The following LIFR variants were observed in gnomAD, a reference collection of about 807,000 sequenced individuals.
LIFR encodes the protein leukemia inhibitory factor receptor.
In LIFR, 84 loss-of-function variants were observed where a neutral mutation model predicts 122.2. The observed-to-expected ratio is 0.69, with a 90% CI of 0.58 to 0.82. The LOEUF is 0.82. Among genes scored for constraint, LIFR ranks in the 40% least tolerant of loss-of-function variants. The pLI is 0.00. For synonymous variants in LIFR, 422 were observed against 434.7 expected (o/e 0.97, Z 0.36); for missense variants, 1,294 against 1,311.6 (o/e 0.99, Z 0.21).
Position 38,482,083 on chromosome 5 carries a change from G to A in LIFR, c.2806C>T (p.Arg936Cys), listed in dbSNP as rs746053471. The A allele has an allele frequency of 6.2e-6, 10 of 1,600,660 alleles. No individual in the cohort carries two copies. Among genetic ancestry groups the A allele is most frequent in the South Asian group, 4.5e-5 (4 of 88,504 alleles). The change falls in exon 20 of 20, where the codon CGC (arginine) becomes TGC (cysteine). Residue 936 changes from arginine (R) to cysteine (C), a missense_variant. Coordinates refer to ENST00000453190, the MANE Select transcript of LIFR (RefSeq NM_001127671.2). ...ISPVAERPEDRSDAEPENHVV... is the reference protein window; with the variant it reads ...ISPVAERPEDCSDAEPENHVV... ...TGGTTTTCAGGCTCTGCATCAGAGCGATCTTCAGGACGCTCAGCTACTGGG... is the reference window on the plus strand; with the variant it reads ...TGGTTTTCAGGCTCTGCATCAGAGCAATCTTCAGGACGCTCAGCTACTGGG...
chr5:38,506,086 C>A lies in LIFR; in HGVS notation c.1122-12G>T. On this transcript the variant is annotated splice_polypyrimidine_tract_variant and intron_variant, in intron 8 of 19. Coordinates refer to ENST00000453190, the MANE Select transcript of LIFR (RefSeq NM_001127671.2). ...ATTTTCCTGAAAAACTGTTAATTAA[C>A]AGAAAAATAATTTCAAAATGGCAAG... 1 of 1,553,116 alleles carries A rather than the reference C, an allele frequency of 6.4e-7. No individual in the cohort carries two copies. Among genetic ancestry groups the A allele is most frequent in the South Asian group, 1.2e-5 (1 of 86,550 alleles).
chr5:38,605,834 C>T (rs1328083429), intron 2 of LIFR, among the ~76,000 whole-genome samples: 1 of 152,172 alleles, frequency 6.6e-6, no homozygotes, highest in East Asian at 1.9e-4. Context: ...GAATCCCTCT[C>T]CTCGCTTGGA....
At position 38,477,949 on chromosome 5, in the gene LIFR, G is replaced by C; in HGVS notation, c.*3646C>G. 1 of 207,710 alleles carries C rather than the reference G, an allele frequency of 4.8e-6. No homozygotes were observed. The highest frequency in any genetic ancestry group is 9.5e-6 in the Non-Finnish European group (1 of 104,970). The allele number at this position is 207,710 out of a possible 1,614,324, so 12.9% of individuals were successfully genotyped here. A position where few individuals can be genotyped will look rare whatever the true frequency, so the allele number is the denominator to read the frequency against. ...AGAGAATAGCAAAAATAACCTTAGA[G>C]CAAACAAAAAATTTTATTAGATTAT... On this transcript the variant is annotated 3_prime_UTR_variant, in exon 20 of 20. Coordinates refer to ENST00000453190, the MANE Select transcript of LIFR (RefSeq NM_001127671.2).
chr5:38,504,415 C>CAA lies in LIFR; in HGVS notation c.1292-296_1292-295dup, dbSNP rs71604899. ...ACTTCTAATTTACTTAGGGAATGACCAAAAAAAAAAAAGAAAAGAAAAAAG... is the reference window on the plus strand; with the variant it reads ...ACTTCTAATTTACTTAGGGAATGACCAAAAAAAAAAAAAAGAAAAGAAAAAAG... On this transcript the variant is annotated intron_variant, in intron 9 of 19. Coordinates refer to ENST00000453190, the MANE Select transcript of LIFR (RefSeq NM_001127671.2). Among the ~76,000 whole-genome samples, 801 of 120,444 alleles carry CAA rather than the reference C, an allele frequency of 6.7e-3. 10 individuals are homozygous for CAA. Among genetic ancestry groups the CAA allele is most frequent in the Non-Finnish European group, 0.01 (608 of 58,580 alleles). 79.0% of individuals were successfully genotyped at this position (120,444 alleles called of 152,430 possible). A position where few individuals can be genotyped will look rare whatever the true frequency, so the allele number is the denominator to read the frequency against.
At chr5:38,561,022 G>A (rs1405678277), upstream of LIFR, among the ~76,000 whole-genome samples, 1 of 152,194 alleles carries the variant, frequency 6.6e-6, no homozygotes, top group Non-Finnish European at 1.5e-5. Flanking sequence ...AATAGTATTT[G>A]AGCATAAAAC....
At chr5:38,489,316 G>A (rs1744450047) in intron 15 of LIFR, 71 bp from the exon 16 acceptor site, 1 of 1,160,982 alleles carries the variant, frequency 8.6e-7, no homozygotes, top group African/African-American at 1.5e-5. Flanking sequence ...TGTTTCCTGA[G>A]CTTTCTAGCC....
intron 1 of LIFR, among the ~76,000 whole-genome samples, chr5:38,571,397 CA>C (rs1198066619): frequency 6.6e-6 from 1 of 151,860 alleles, no homozygotes; most frequent in Non-Finnish European, 1.5e-5. Flanking sequence ...ACTAAAAATA[CA>C]AAAACAATTA....
At chr5:38,599,358 G>C (rs889665172), upstream of LIFR, among the ~76,000 whole-genome samples, 5 of 152,164 alleles carry the variant, frequency 3.3e-5, no homozygotes, top group African/African-American at 1.2e-4. Context: ...TACTGAAAGG[G>C]TCACTGGCTC....
In LIFR at chr5:38,549,085, G is replaced by T. The variant is rs192137694; in HGVS notation, c.-20+7249C>A. ...AACCAGTAGTAGCAAATGGGAAATG[G>T]GATCTGATCCAAGACTCTTCACCAC... On this transcript the variant is annotated intron_variant, in intron 1 of 19. Coordinates refer to ENST00000453190, the MANE Select transcript of LIFR (RefSeq NM_001127671.2). 1.6e-4 allele frequency among the ~76,000 whole-genome samples: 24 copies of T among 152,198 alleles called. No homozygotes were observed. The East Asian group carries it at 4.2e-3, about 27-fold the overall frequency.
chr5:38,588,282 C>T (rs1430604791), intron 1 of LIFR, among the ~76,000 whole-genome samples: 1 of 152,138 alleles, frequency 6.6e-6, no homozygotes, highest in Non-Finnish European at 1.5e-5. Context: ...GGAAACCAAA[C>T]TCTCAGGGCT....
intron 1 of LIFR, among the ~76,000 whole-genome samples, chr5:38,563,337 G>C (rs571067751): frequency 6.6e-6 from 1 of 152,088 alleles, no homozygotes; most frequent in African/African-American, 2.4e-5. Context: ...ACCTTACTGG[G>C]TTTTTTCTTA....
intron 19 of LIFR, 101 bp from the exon 20 acceptor site, chr5:38,482,319 A>T: frequency 8.7e-7 from 1 of 1,144,178 alleles, no homozygotes; most frequent in Non-Finnish European, 1.2e-6. Context: ...CTGCTTGTAA[A>T]CAGGTGTCTC....
intron 8 of LIFR, 64 bp from the exon 9 acceptor site, chr5:38,506,138 C>A: frequency 2.8e-6 from 3 of 1,074,288 alleles, no homozygotes; most frequent in South Asian, 1.4e-5. Context: ...AAAAAACGGG[C>A]AAATTCGTAA....
At chr5:38,530,844 A>G (rs1394876363) in intron 1 of LIFR, 178 bp from the exon 2 acceptor site, 4 of 607,240 alleles carry the variant, frequency 6.6e-6, no homozygotes, top group African/African-American at 5.5e-5. Flanking sequence ...AATTGGACAC[A>G]GCTGTTGCTT....
rs764586769 is a variant in LIFR at position 38,506,037 on chromosome 5, C to T, written c.1159G>A (p.Ala387Thr). Residue 387 changes from alanine (A) to threonine (T), a missense_variant, in exon 9 of 20, where the codon GCA becomes ACA. Coordinates refer to ENST00000453190, the MANE Select transcript of LIFR (RefSeq NM_001127671.2). Reference sequence around the variant, plus strand: ...AATTGATAGCTTTCGTTTGTAGGTGCTTCAGCTCTTTTAAGTCTAACATAT... The same window carrying T: ...AATTGATAGCTTTCGTTTGTAGGTGTTTCAGCTCTTTTAAGTCTAACATAT... ...GKYVRLKRAE[A>T]PTNESYQLLF... 4.4e-6 allele frequency: 7 copies of T among 1,602,592 alleles called. No individual in the cohort carries two copies. In the Admixed American group the frequency reaches 1.0e-4, roughly 23 times the overall value.
chr5:38,503,863 G>T, intron 10 of LIFR, 113 bp downstream of exon 10: 1 of 790,008 alleles, frequency 1.3e-6, no homozygotes, highest in Non-Finnish European at 2.1e-6. Context: ...TTGGTTCTTA[G>T]TAAATCTCTA....
In LIFR at chr5:38,530,487, G is replaced by T. The variant is rs1390466090; in HGVS notation, c.142+19C>A. 7 of 1,602,520 alleles carry T rather than the reference G, an allele frequency of 4.4e-6. No homozygotes were observed. In the Admixed American group the frequency reaches 1.2e-4, roughly 27 times the overall value. On this transcript the variant is annotated intron_variant, in intron 2 of 19. Transcript: ENST00000453190. ...TAAAACTGCAATCTGTTCATTCTCT[G>T]GAAGGCTGATGCACTTACCCTTTTT...
rs781009200 is a variant in LIFR, at chr5:38,510,451, A to G, written c.991+13T>C. On this transcript the variant is annotated intron_variant, in intron 7 of 19. Coordinates refer to ENST00000453190, the MANE Select transcript of LIFR (RefSeq NM_001127671.2). ...GGTTAATAGGAATTCTCTCTTTAAA[A>G]TCATATACTTACATCCAGCAAAAAT... 11 of 1,611,970 alleles carry G rather than the reference A, an allele frequency of 6.8e-6. No homozygotes were observed. Among genetic ancestry groups the G allele is most frequent in the Non-Finnish European group, 5.9e-6 (7 of 1,179,478 alleles).
chr5:38,487,750 C>A (rs540284584), intron 16 of LIFR, among the ~76,000 whole-genome samples: 1 of 152,110 alleles, frequency 6.6e-6, no homozygotes, highest in Admixed American at 6.5e-5. Context: ...AGTGAAACAG[C>A]GGAGAAGGGG....
Sources: allele counts gnomAD v4.1 joint callset (sites outside exome capture counted in the v4.1 genomes callset), GRCh38; gene constraint gnomAD v4.1.1; transcripts MANE v1.5; gene names NCBI Gene and HGNC (gene_info 2026-07-23, HGNC 2026-07-21).